Variants in MTHFD1 observed in about 807,000 individuals in gnomAD.
MTHFD1 encodes methylenetetrahydrofolate dehydrogenase, cyclohydrolase and formyltetrahydrofolate synthetase 1, also known as C-1-tetrahydrofolate synthase, cytoplasmic.
MTHFD1 carries 44 observed loss-of-function variants against 110.3 expected under a neutral mutation model. The ratio of observed to expected loss-of-function variants is 0.40; its 90% confidence interval spans 0.31 to 0.51. The LOEUF is 0.51. Among genes scored for constraint, MTHFD1 ranks in the 20% least tolerant of loss-of-function variants. The pLI is 0.60. For missense variants in MTHFD1, 909 were observed against 1,173.1 expected (o/e 0.77, Z 3.29); for synonymous variants, 402 against 428.8 (o/e 0.94, Z 0.77).
intron 9 of MTHFD1, among the ~76,000 whole-genome samples, chr14:64,425,453 C>T (rs887371179): frequency 2.6e-5 from 4 of 152,098 alleles, no homozygotes; most frequent in South Asian, 2.1e-4. Context: ...TCAGGTGATC[C>T]GCCCACCTTG....
chr14:64,427,554 A>G, intron 12 of MTHFD1, 81 bp downstream of exon 12: 1 of 1,367,498 alleles, frequency 7.3e-7, no homozygotes. Flanking sequence ...AACCTATGAT[A>G]CTTATGGGGT....
chr14:64,431,615 T>C lies in MTHFD1; in HGVS notation c.1395T>C (p.Phe465=). The C allele has an allele frequency of 6.2e-7, 1 of 1,614,200 alleles. No homozygotes were observed. ...CTGCGGCCATTGATGCTCGGATATT[T>C]CATGAACTGACCCAGACAGACAAGG... ...LVAAAIDARI[F]HELTQTDKAL... is the part of the protein sequence containing the mutation. The change falls in exon 14 of 28, where the codon TTT becomes TTC. Residue 465 remains phenylalanine (F), a synonymous_variant. Coordinates refer to ENST00000652337, the MANE Select transcript of MTHFD1 (RefSeq NM_005956.4).
intron 24 of MTHFD1, among the ~76,000 whole-genome samples, chr14:64,452,523 G>A (rs985519018): frequency 1.1e-4 from 16 of 152,164 alleles, no homozygotes; most frequent in Admixed American, 6.5e-4. Flanking sequence ...GCTTTGCCCC[G>A]GAGGAAACAG....
In MTHFD1 at chr14:64,417,833, C is replaced by A; in HGVS notation, c.479-55C>A. 1.3e-5 allele frequency: 21 copies of A among 1,609,446 alleles called. No individual in the cohort carries two copies. Among genetic ancestry groups the A allele is most frequent in the Non-Finnish European group, 1.8e-5 (21 of 1,177,982 alleles). On this transcript the variant is annotated intron_variant, in intron 6 of 27. Transcript: ENST00000652337. The surrounding 1 kb of genome is among the most constrained non-coding windows in gnomAD (Gnocchi z 4.4). Reference sequence around the variant, plus strand: ...TATTCTAATTTCTCCACGTGGCATGCGAAGGAGGGCAGCTTCTATCCTCCA... The same window carrying A: ...TATTCTAATTTCTCCACGTGGCATGAGAAGGAGGGCAGCTTCTATCCTCCA...
intron 2 of MTHFD1, among the ~76,000 whole-genome samples, chr14:64,407,386 G>A (rs754194172): frequency 2.6e-5 from 4 of 151,758 alleles, no homozygotes; most frequent in South Asian, 2.1e-4. Context: ...GATTGCTCAC[G>A]CCTGGGAGGT....
chr14:64,448,396 A>G, intron 23 of MTHFD1, 79 bp downstream of exon 23: 2 of 1,173,506 alleles, frequency 1.7e-6, no homozygotes, highest in Non-Finnish European at 2.5e-6. Flanking sequence ...TTTTAGCTTT[A>G]TTTTGTTTTT....
At chr14:64,441,720 G>C in intron 19 of MTHFD1, 1 of 545,448 alleles carries the variant, frequency 1.8e-6, no homozygotes, top group Non-Finnish European at 3.3e-6. Flanking sequence ...GCAGAATGGC[G>C]TGAACCTGGG....
rs1596537090 is a variant in MTHFD1, at chr14:64,411,006, T to C, written c.127-84T>C. The C allele has an allele frequency of 1.3e-5, 13 of 993,182 alleles. No homozygotes were observed. The East Asian group carries it at 2.9e-4, about 22-fold the overall frequency. The allele number at this position is 993,182 out of a possible 1,614,324, so 61.5% of individuals were successfully genotyped here. The stretch of plus-strand genomic sequence containing the variant: ...AAGAGTCGCATGATTAAACATTTCT[T>C]TTATTAAAACTAAAATTGTAGAAGC... On this transcript the variant is annotated intron_variant, in intron 2 of 27. Coordinates refer to ENST00000652337, the MANE Select transcript of MTHFD1 (RefSeq NM_005956.4).
chr14:64,439,928 A>G (rs1355110007), intron 17 of MTHFD1, among the ~76,000 whole-genome samples, 198 bp from the exon 18 acceptor site: 1 of 137,648 alleles, frequency 7.3e-6, no homozygotes, highest in Non-Finnish European at 1.6e-5. Flanking sequence ...ATGACAACTC[A>G]GGGTCTTGGA....
chr14:64,442,402 G>A lies in MTHFD1; in HGVS notation c.2136G>A (p.Thr712=), dbSNP rs150796086. 44 of 1,613,988 alleles carry A rather than the reference G, an allele frequency of 2.7e-5. No individual in the cohort carries two copies. Among genetic ancestry groups the A allele is most frequent in the African/African-American group, 4.0e-5 (3 of 75,048 alleles). Residue 712 remains threonine, a splice_region_variant and synonymous_variant, in exon 21 of 28, where the codon ACG becomes ACA. Transcript: ENST00000652337. ...RALKMHGGGP[T]VTAGLPLPKA... ...TCAAGATGCACGGGGGCGGCCCCACGGTGAGTGGTGGGTTGAAGTATCTGA... is the reference window on the plus strand; with the variant it reads ...TCAAGATGCACGGGGGCGGCCCCACAGTGAGTGGTGGGTTGAAGTATCTGA...
chr14:64,392,120 A>C (rs915539579), intron 1 of MTHFD1, among the ~76,000 whole-genome samples: 5 of 152,190 alleles, frequency 3.3e-5, no homozygotes, highest in Admixed American at 6.5e-5. Flanking sequence ...AAGCCTGCCA[A>C]TGTTGTGAGG....
In MTHFD1 at chr14:64,453,842, C is replaced by G; in HGVS notation, c.2546C>G (p.Ala849Gly). ...TTACTTCCCGAAGCTCAACACAAAG[C>G]TGAAGTCTACACGAAGCAGGTAGAT... ...IELLPEAQHK[A>G]EVYTKQGFGN... The change falls in exon 25 of 28, where the codon GCT (alanine) becomes GGT (glycine). Residue 849 changes from alanine (A) to glycine (G), a missense_variant. Ala to Gly is a moderately conservative substitution (Grantham distance 60). Coordinates refer to ENST00000652337, the MANE Select transcript of MTHFD1 (RefSeq NM_005956.4). The G allele has an allele frequency of 6.2e-7, 1 of 1,606,900 alleles. No homozygotes were observed.
At chr14:64,410,191 C>T (rs764729984) in intron 2 of MTHFD1, among the ~76,000 whole-genome samples, 23 of 152,080 alleles carry the variant, frequency 1.5e-4, no homozygotes, top group Non-Finnish European at 2.9e-4. Flanking sequence ...AGGATTTAGC[C>T]TCTGCACTAC....
In MTHFD1 at chr14:64,439,026, C is replaced by T. The variant is rs1053724139; in HGVS notation, c.1598-70C>T. 18 of 1,112,890 alleles carry T rather than the reference C, an allele frequency of 1.6e-5. No homozygotes were observed. The African/African-American group carries it at 2.6e-4, about 16-fold the overall frequency. 68.9% of individuals were successfully genotyped at this position (1,112,890 alleles called of 1,614,324 possible). On this transcript the variant is annotated intron_variant, in intron 16 of 27. Transcript: ENST00000652337. ...TGAAATTAGACTTATTGCTTTAAAACTCTGCTGCTTCCTTTAACTTTGTGG... is the reference window on the plus strand; with the variant it reads ...TGAAATTAGACTTATTGCTTTAAAATTCTGCTGCTTCCTTTAACTTTGTGG...
At chr14:64,410,407 TGG>T (rs34498014) in intron 2 of MTHFD1, among the ~76,000 whole-genome samples, 57,182 of 148,678 alleles carry the variant, frequency 0.38, 11,587 homozygotes, top group South Asian at 0.53. Context: ...TTTGTAAAGA[TGG>T]GGGGGGGGGT....
chr14:64,444,760 T>A (rs762326926), intron 22 of MTHFD1, 26 bp downstream of exon 22: 1 of 1,612,744 alleles, frequency 6.2e-7, no homozygotes, highest in South Asian at 1.1e-5. Flanking sequence ...TCTCATCACG[T>A]GTCCTAGAAA....
intron 1 of MTHFD1, 23 bp from the exon 2 acceptor site, chr14:64,400,770 C>T: frequency 3.9e-6 from 6 of 1,519,402 alleles, no homozygotes; most frequent in Non-Finnish European, 5.5e-6. Context: ...CAGTGTTAAC[C>T]CCACCCTTTC....
intron 2 of MTHFD1, among the ~76,000 whole-genome samples, chr14:64,402,806 C>CAAA (rs59743260): frequency 6.7e-6 from 1 of 149,034 alleles, no homozygotes; most frequent in South Asian, 2.1e-4. Flanking sequence ...GATCCTGTCT[C>CAAA]AAAAAAAAAT....
chr14:64,430,985 T>C (rs1001710473), intron 13 of MTHFD1, among the ~76,000 whole-genome samples: 2 of 152,142 alleles, frequency 1.3e-5, no homozygotes, highest in African/African-American at 4.8e-5. Flanking sequence ...GGACATCTCA[T>C]TTTGGAAAAA....
Sources: gnomAD v4.1 joint callset for allele counts (sites outside exome capture counted in the v4.1 genomes callset) on GRCh38, gnomAD v4.1.1 for gene constraint, Gnocchi (gnomAD v3.1) non-coding constraint, MANE v1.5 for transcripts, NCBI Gene and HGNC (gene_info 2026-07-23, HGNC 2026-07-21) for gene names.